The following MTRR variants were observed in gnomAD, a reference collection of about 807,000 sequenced individuals.
The protein encoded by MTRR is methionine synthase reductase.
MTRR carries 63 observed loss-of-function variants against 79.2 expected under a neutral mutation model. That is an observed-to-expected ratio of 0.80 (90% CI 0.65 to 0.98). The LOEUF (loss-of-function observed/expected upper bound fraction) is 0.98. Among genes scored for constraint, MTRR ranks in the 50% least tolerant of loss-of-function variants. The pLI is 0.00. For missense variants in MTRR, 895 were observed against 839.6 expected (o/e 1.07, Z -0.82); for synonymous variants, 355 against 313.3 (o/e 1.13, Z -1.41).
At chr5:7,874,556 A>C in intron 3 of MTRR, among the ~76,000 whole-genome samples, 1 of 148,330 alleles carries the variant, frequency 6.7e-6, no homozygotes, top group South Asian at 2.2e-4. Context: ...GAGAAAGAAC[A>C]TGGAGATGCC....
chr5:7,876,908 T>C (rs1388701149), intron 4 of MTRR, among the ~76,000 whole-genome samples: 2 of 152,218 alleles, frequency 1.3e-5, no homozygotes, highest in Non-Finnish European at 2.9e-5. Flanking sequence ...CCTTAATATT[T>C]CTGAGTTGTG....
At position 7,887,811 on chromosome 5, in the gene MTRR, T is replaced by C. The variant is rs537957711; in HGVS notation, c.1146+1108T>C. Among the ~76,000 whole-genome samples, 284 of 45,092 alleles carry C rather than the reference T, an allele frequency of 6.3e-3. 14 individuals are homozygous for C. The highest frequency in any genetic ancestry group is 0.026 in the East Asian group (65 of 2,470). The allele number at this position is 45,092 out of a possible 152,430, so 29.6% of individuals were successfully genotyped here. On this transcript the variant is annotated intron_variant, in intron 8 of 14. Transcript: ENST00000440940. ...GTGTGTGCATATATATATATATATA[T>C]ATATATATATATATATATATGGGTT... is the stretch of plus-strand genomic sequence containing the variant.
upstream of MTRR, chr5:7,867,610 G>T (rs781291165): frequency 1.2e-6 from 2 of 1,614,114 alleles, no homozygotes; most frequent in East Asian, 2.2e-5. Flanking sequence ...AAGCTTGAAA[G>T]ATGCTATTCT....
intron 11 of MTRR, chr5:7,893,137 G>A (rs888373098): frequency 1.7e-6 from 1 of 586,038 alleles, no homozygotes; most frequent in Non-Finnish European, 3.0e-6. Flanking sequence ...ATTTTATATA[G>A]TACGGTCTTT....
chr5:7,858,309 G>A (rs1364795188), intron 1 of MTRR, among the ~76,000 whole-genome samples: 1 of 152,164 alleles, frequency 6.6e-6, no homozygotes, highest in African/African-American at 2.4e-5. Context: ...TCATCTAAGA[G>A]CTGTGAAAAA....
intron 5 of MTRR, among the ~76,000 whole-genome samples, chr5:7,881,329 G>GC (rs1321017448): frequency 1.3e-5 from 2 of 151,916 alleles, no homozygotes; most frequent in Non-Finnish European, 2.9e-5. Flanking sequence ...CGAGTGTGTC[G>GC]CAACAACCCC....
At position 7,892,339 on chromosome 5, in the gene MTRR, C is replaced by T. The variant is rs933102439; in HGVS notation, c.1371-388C>T. On this transcript the variant is annotated intron_variant, in intron 10 of 14. Transcript: ENST00000440940. ...CCTTTCTGGGTGTATACTTCAGTCA[C>T]TTTCAAGTTTTATGATCTTACCAGT... 7.2e-5 allele frequency among the ~76,000 whole-genome samples: 11 copies of T among 152,302 alleles called. No individual in the cohort carries two copies. The South Asian group carries it at 2.3e-3, about 32-fold the overall frequency.
rs371860776 is a variant in MTRR at position 7,878,258 on chromosome 5, C to T, written c.716C>T (p.Ser239Phe). 1.0e-4 allele frequency: 169 copies of T among 1,614,112 alleles called. 1 individual carries two copies. In the South Asian group the frequency reaches 1.8e-3, roughly 17 times the overall value. Residue 239 changes from serine to phenylalanine, a missense_variant, in exon 5 of 15, where the codon TCT becomes TTT. Physicochemically the swap from Ser to Phe is radical, Grantham distance 155 (BLOSUM62 -2). Coordinates refer to ENST00000440940, the MANE Select transcript of MTRR (RefSeq NM_002454.3). ...TCGGTACCCCCACTCTCACAAGCCT[C>T]TCTGAATATTCCTGGTTTACCCCCA... ...TRSVPPLSQA[S>F]LNIPGLPPEY...
intron 14 of MTRR, among the ~76,000 whole-genome samples, chr5:7,898,263 C>T (rs1006784874): frequency 6.6e-6 from 1 of 152,002 alleles, no homozygotes; most frequent in African/African-American, 2.4e-5. Context: ...ACAGTGTCAT[C>T]GGTGGTCAAA....
intron 2 of MTRR, chr5:7,862,976 A>G (rs1746663657): frequency 6.2e-7 from 1 of 1,613,848 alleles, no homozygotes; most frequent in Non-Finnish European, 8.5e-7. Flanking sequence ...TTCACTTGAT[A>G]TTTAGGAAGG....
In MTRR at chr5:7,900,280, A is replaced by C. The variant is rs145654110; in HGVS notation, c.*222A>C. The C allele has an allele frequency of 4.3e-4, 236 of 543,958 alleles. 1 individual carries two copies. Among genetic ancestry groups the C allele is most frequent in the Middle Eastern group, 2.1e-3 (4 of 1,898 alleles). The allele number at this position is 543,958 out of a possible 1,614,324, so 33.7% of individuals were successfully genotyped here. ...CTTCCTGTGCCTGTGACTCTCCCCA[A>C]ATTGCCCTGTTGCCTTGAGCTCTTC... On this transcript the variant is annotated 3_prime_UTR_variant, in exon 15 of 15. Transcript: ENST00000440940.
In MTRR at chr5:7,869,194, G is replaced by A; in HGVS notation, c.-47G>A. On this transcript the variant is annotated 5_prime_UTR_variant, in exon 1 of 15. In the 5' UTR this introduces an upstream ATG that the reference lacks. Transcript: ENST00000440940. ...GGTGGAAGTCGCGTTGTGCAGGTTC[G>A]TGCCCGGCTGGCGCGGCGTGGGTAA... The A allele has an allele frequency of 1.2e-6, 2 of 1,609,834 alleles. No homozygotes were observed. Among genetic ancestry groups the A allele is most frequent in the Non-Finnish European group, 1.7e-6 (2 of 1,179,798 alleles).
intron 11 of MTRR, among the ~76,000 whole-genome samples, chr5:7,894,931 T>C (rs1007864430): frequency 1.1e-4 from 17 of 152,208 alleles, no homozygotes; most frequent in Non-Finnish European, 2.5e-4. Flanking sequence ...CTAGTTTCAT[T>C]CCCAAGTAAG....
intron 1 of MTRR, among the ~76,000 whole-genome samples, chr5:7,860,793 G>A (rs573284405): frequency 1.3e-5 from 2 of 152,266 alleles, no homozygotes; most frequent in Non-Finnish European, 2.9e-5. Context: ...GCTATTTCTT[G>A]TAGAAGCTTC....
At chr5:7,893,975 A>G (rs774812709) in intron 11 of MTRR, among the ~76,000 whole-genome samples, 12 of 152,204 alleles carry the variant, frequency 7.9e-5, no homozygotes, top group Non-Finnish European at 1.3e-4. Flanking sequence ...TAGTACTGAT[A>G]TACAAGTATA....
chr5:7,863,936 C>T (rs185717203), intron 2 of MTRR, among the ~76,000 whole-genome samples: 15 of 152,246 alleles, frequency 9.9e-5, no homozygotes, highest in African/African-American at 2.6e-4. Context: ...CTGCAACCTC[C>T]GCCTCCTGGG....
intron 9 of MTRR, among the ~76,000 whole-genome samples, chr5:7,890,776 A>T (rs1046026298): frequency 1.3e-5 from 2 of 152,248 alleles, no homozygotes; most frequent in Admixed American, 6.5e-5. Flanking sequence ...ATAGTTCAAT[A>T]TTTAAATACA....
intron 14 of MTRR, among the ~76,000 whole-genome samples, 161 bp downstream of exon 14, chr5:7,897,408 A>G (rs1002813533): frequency 6.6e-6 from 1 of 152,228 alleles, no homozygotes; most frequent in African/African-American, 2.4e-5. Flanking sequence ...ATTTTGACAT[A>G]TTTAATAGCC....
At chr5:7,881,384 G>A (rs1251145797) in intron 5 of MTRR, among the ~76,000 whole-genome samples, 1 of 151,998 alleles carries the variant, frequency 6.6e-6, no homozygotes, top group African/African-American at 2.4e-5. Context: ...GTGTGGTAGT[G>A]GGGGTACAGG....
Sources: allele counts gnomAD v4.1 joint callset (sites outside exome capture counted in the v4.1 genomes callset), GRCh38; gene constraint gnomAD v4.1.1; transcripts MANE v1.5; gene names NCBI Gene and HGNC (gene_info 2026-07-23, HGNC 2026-07-21).